GNAL: variants seen among roughly 807,000 people sequenced by gnomAD.
GNAL encodes guanine nucleotide-binding protein G(olf) subunit alpha.
A neutral mutation model predicts 55.1 loss-of-function variants in GNAL; 18 were observed. That is an observed-to-expected ratio of 0.33 (90% CI 0.23 to 0.48). The LOEUF is 0.48. Among genes scored for constraint, GNAL ranks in the 20% least tolerant of loss-of-function variants. The pLI, the probability that GNAL is intolerant of heterozygous loss-of-function variation, is 0.99. For missense variants in GNAL, 412 were observed against 614.1 expected, an observed-to-expected ratio of 0.67 and a Z score of 3.48; for synonymous variants, 253 against 237.0, an observed-to-expected ratio of 1.07 and a Z score of -0.62.
At chr18:11,805,409 A>G (rs118123748) in intron 4 of GNAL, among the ~76,000 whole-genome samples, 6,479 of 152,184 alleles carry the variant, frequency 0.043, 315 homozygotes, top group East Asian at 0.27. Context: ...TGGAACATGG[A>G]GATATTGTGT....
Position 11,885,511 on chromosome 18 carries a change from G to C in GNAL, c.*4376G>C. The C allele has an allele frequency of 1.3e-6, 1 of 784,452 alleles. No individual in the cohort carries two copies. Among genetic ancestry groups the C allele is most frequent in the Non-Finnish European group, 2.0e-6 (1 of 494,290 alleles). The allele number at this position is 784,452 out of a possible 1,614,324, so 48.6% of individuals were successfully genotyped here. On this transcript the variant is annotated 3_prime_UTR_variant, in exon 12 of 12. Coordinates refer to ENST00000334049, the MANE Select transcript of GNAL (RefSeq NM_182978.4). The stretch of plus-strand genomic sequence containing the variant: ...GGAATGTCATGCTGATTGGTTCCCG[G>C]AAGGGTGTTTGGCAAGGGGCAGTGT...
At chr18:11,731,533 T>C (rs2032340200) in intron 1 of GNAL, among the ~76,000 whole-genome samples, 1 of 152,222 alleles carries the variant, frequency 6.6e-6, no homozygotes, top group Non-Finnish European at 1.5e-5. Flanking sequence ...GGATTTTATT[T>C]TTAGTTTACG....
intron 4 of GNAL, among the ~76,000 whole-genome samples, chr18:11,767,811 C>T (rs1464146740): frequency 6.6e-6 from 1 of 152,176 alleles, no homozygotes; most frequent in Non-Finnish European, 1.5e-5. Flanking sequence ...TCTTCAAAAC[C>T]CTGCCTTGCC....
chr18:11,858,699 A>C (rs715688), intron 5 of GNAL, among the ~76,000 whole-genome samples: 10,646 of 152,064 alleles, frequency 0.07, 508 homozygotes, highest in African/African-American at 0.14. Flanking sequence ...TTTTGGGGTG[A>C]ATATTCACAT....
chr18:11,692,922 C>T (rs1237290255), intron 1 of GNAL, among the ~76,000 whole-genome samples: 1 of 152,148 alleles, frequency 6.6e-6, no homozygotes, highest in Non-Finnish European at 1.5e-5. Context: ...GCTGGGATTA[C>T]AGGCATGAGC....
At chr18:11,827,080 G>A (rs947216402) in intron 5 of GNAL, among the ~76,000 whole-genome samples, 1 of 152,286 alleles carries the variant, frequency 6.6e-6, no homozygotes, top group East Asian at 1.9e-4. Context: ...GAGGGCTGAT[G>A]GTCCTAGTAA....
chr18:11,854,133 T>G (rs975377146), intron 5 of GNAL: 1 of 167,068 alleles, frequency 6.0e-6, no homozygotes, highest in African/African-American at 2.4e-5. Context: ...CCTTAACCCC[T>G]CTTTAGATTG....
At chr18:11,757,196 A>G (rs1230233920) in intron 4 of GNAL, among the ~76,000 whole-genome samples, 2 of 152,186 alleles carry the variant, frequency 1.3e-5, no homozygotes, top group Non-Finnish European at 2.9e-5. Context: ...AATTCCATGA[A>G]TCTGAAGTTG....
At chr18:11,712,736 C>T (rs747003625) in intron 1 of GNAL, among the ~76,000 whole-genome samples, 1 of 152,134 alleles carries the variant, frequency 6.6e-6, no homozygotes, top group Non-Finnish European at 1.5e-5. Flanking sequence ...TTCAGTTCTC[C>T]CTCTACAGGA....
At position 11,885,465 on chromosome 18, in the gene GNAL, G is replaced by A. The variant is rs762490302; in HGVS notation, c.*4330G>A. 2.9e-5 allele frequency: 17 copies of A among 592,708 alleles called. No individual in the cohort carries two copies. Among genetic ancestry groups the A allele is most frequent in the South Asian group, 8.8e-5 (4 of 45,624 alleles). 36.7% of individuals were successfully genotyped at this position (592,708 alleles called of 1,614,324 possible). ...TCCACCTGGACGGTGCCCTGCCCTC[G>A]CTTCTCACATTAACTGCCCAGGAAT... is the stretch of plus-strand genomic sequence containing the variant. On this transcript the variant is annotated 3_prime_UTR_variant, in exon 12 of 12. Transcript: ENST00000334049.
chr18:11,786,878 T>TAAA (rs1246649626), intron 4 of GNAL, among the ~76,000 whole-genome samples: 1 of 152,142 alleles, frequency 6.6e-6, no homozygotes, highest in Non-Finnish European at 1.5e-5. Context: ...ATGTCTGCTT[T>TAAA]ACCCCAGCCC....
chr18:11,785,596 G>A (rs1469257895), intron 4 of GNAL, among the ~76,000 whole-genome samples: 1 of 152,200 alleles, frequency 6.6e-6, no homozygotes, highest in Non-Finnish European at 1.5e-5. Flanking sequence ...GCCTTTCAGA[G>A]TTTTGTTTTC....
At chr18:11,805,164 CAT>C (rs1568035346) in intron 4 of GNAL, among the ~76,000 whole-genome samples, 10 of 109,104 alleles carry the variant, frequency 9.2e-5, no homozygotes, top group Admixed American at 2.8e-4. Context: ...TTGAGTGGAA[CAT>C]GGAGATACTG....
At chr18:11,814,181 A>G (rs1046286109) in intron 4 of GNAL, among the ~76,000 whole-genome samples, 12 of 152,214 alleles carry the variant, frequency 7.9e-5, no homozygotes, top group African/African-American at 2.9e-4. Context: ...TCTAAAAGAA[A>G]AAAATGGATT....
intron 1 of GNAL, among the ~76,000 whole-genome samples, chr18:11,740,067 C>CTATTTATTTATTTATT (rs113737026): frequency 6.6e-6 from 1 of 151,964 alleles, no homozygotes; most frequent in African/African-American, 2.4e-5. Flanking sequence ...CCTCCCTTTT[C>CTATTTATTTATTTATT]TATTTATGTA....
At chr18:11,755,365 C>T (rs960736844) in intron 4 of GNAL, among the ~76,000 whole-genome samples, 38 of 152,292 alleles carry the variant, frequency 2.5e-4, no homozygotes, top group African/African-American at 8.2e-4. Context: ...GCTCCGCCTC[C>T]CGGGTTCACG....
chr18:11,690,301 C>T (rs1484750539), intron 1 of GNAL, among the ~76,000 whole-genome samples: 2 of 152,158 alleles, frequency 1.3e-5, no homozygotes, highest in South Asian at 2.1e-4. Flanking sequence ...TAGCCTCTCA[C>T]TTCCTGCTAC....
chr18:11,746,463 AC>A (rs35466998), intron 1 of GNAL: 1 of 250,500 alleles, frequency 4.0e-6, no homozygotes, highest in Non-Finnish European at 7.9e-6. Flanking sequence ...TTTAAAAATT[AC>A]CCAGGAGTGG....
chr18:11,765,963 A>G (rs1374866656), intron 4 of GNAL, among the ~76,000 whole-genome samples: 1 of 152,200 alleles, frequency 6.6e-6, no homozygotes, highest in East Asian at 1.9e-4. Context: ...ATGGCGTTAA[A>G]CATACCTTAA....
Sources: allele counts gnomAD v4.1 joint callset (sites outside exome capture counted in the v4.1 genomes callset), GRCh38; gene constraint gnomAD v4.1.1; transcripts MANE v1.5; gene names NCBI Gene and HGNC (gene_info 2026-07-23, HGNC 2026-07-21).